Variants in MROH1 observed in about 807,000 individuals in gnomAD.
The protein encoded by MROH1 is maestro heat-like repeat-containing protein family member 1.
Under a neutral mutation model 116.5 loss-of-function variants are expected in MROH1, and 117 were observed. The ratio of observed to expected loss-of-function variants is 1.00; its 90% CI spans 0.86 to 1.17. The LOEUF is 1.17. MROH1 is among the 50% of genes most tolerant of loss of function. The probability of loss-of-function intolerance (pLI) is 0.00; values close to 1 mark genes in which losing one functional copy is unlikely to be tolerated. For missense variants in MROH1, 1,873 were observed against 1,338.5 expected (o/e 1.40, Z -6.23); for synonymous variants, 921 against 583.9 (o/e 1.58, Z -8.32).
intron 1 of MROH1, among the ~76,000 whole-genome samples, chr8:144,150,852 C>T (rs1176381363): frequency 3.3e-5 from 5 of 152,174 alleles, no homozygotes; most frequent in Non-Finnish European, 7.3e-5. Flanking sequence ...GGCTCCACCA[C>T]CATGGACCTA....
intron 12 of MROH1, among the ~76,000 whole-genome samples, chr8:144,209,097 A>AT (rs1196420402): frequency 6.7e-6 from 1 of 148,188 alleles, no homozygotes; most frequent in East Asian, 2.0e-4. Context: ...GAGTTTCGCC[A>AT]TGTTAGTCAG....
At chr8:144,200,575 CT>C (rs1830891375) in intron 12 of MROH1, 34 bp downstream of exon 12, 1 of 1,447,400 alleles carries the variant, frequency 6.9e-7, no homozygotes, top group Non-Finnish European at 9.5e-7. Flanking sequence ...GCCGCCACCC[CT>C]GGCCATGTCC....
intron 35 of MROH1, among the ~76,000 whole-genome samples, chr8:144,257,464 C>A (rs1341566692): frequency 6.6e-6 from 1 of 152,202 alleles, no homozygotes; most frequent in Non-Finnish European, 1.5e-5. Flanking sequence ...CAGCCCCTGT[C>A]CAGCTCTCAG....
chr8:144,177,052 G>T (rs890507279), intron 4 of MROH1, among the ~76,000 whole-genome samples: 1 of 152,158 alleles, frequency 6.6e-6, no homozygotes, highest in Non-Finnish European at 1.5e-5. Flanking sequence ...TTCCCCTGGA[G>T]AATTGGCAGG....
rs572598673 is a variant in MROH1 at position 144,163,337 on chromosome 8, G to A, written c.-56-434G>A. ...GTGGTGAAGAGGCAGAGGGAACTTGGACGCTTCCTGGACTCGATTCTTAGG... is the reference window on the plus strand; with the variant it reads ...GTGGTGAAGAGGCAGAGGGAACTTGAACGCTTCCTGGACTCGATTCTTAGG... On this transcript the variant is annotated intron_variant, in intron 2 of 43. Transcript: ENST00000326134. This position sits in a 1 kb window ranked among gnomAD's most constrained non-coding sequence, Gnocchi z 4.4. Among the ~76,000 whole-genome samples the A allele has an allele frequency of 6.2e-4, 95 of 152,324 alleles. No homozygotes were observed. Among genetic ancestry groups the A allele is most frequent in the African/African-American group, 2.2e-3 (90 of 41,572 alleles).
intron 12 of MROH1, among the ~76,000 whole-genome samples, chr8:144,210,512 T>G (rs927426972): frequency 6.6e-6 from 1 of 152,064 alleles, no homozygotes; most frequent in Non-Finnish European, 1.5e-5. Context: ...GGCAACATGA[T>G]GAAACCCCAT....
chr8:144,196,300 A>G (rs1396904210), intron 10 of MROH1, among the ~76,000 whole-genome samples: 2 of 151,486 alleles, frequency 1.3e-5, no homozygotes, highest in Admixed American at 6.6e-5. Context: ...CAAAAAAAAA[A>G]AAAAAATTCA....
chr8:144,255,778 G>A (rs972895133), intron 35 of MROH1, 73 bp downstream of exon 35: 36 of 687,882 alleles, frequency 5.2e-5, no homozygotes, highest in Non-Finnish European at 8.9e-5. Context: ...GCGCGTGGTG[G>A]GGGCGGACGG....
intron 32 of MROH1, among the ~76,000 whole-genome samples, chr8:144,249,383 C>T (rs1247058411): frequency 6.6e-6 from 1 of 152,116 alleles, no homozygotes; most frequent in Non-Finnish European, 1.5e-5. Flanking sequence ...GTCAGCCGTC[C>T]CCTAGGGAGA....
At chr8:144,194,607 C>A (rs944388928) in intron 10 of MROH1, among the ~76,000 whole-genome samples, 1 of 152,160 alleles carries the variant, frequency 6.6e-6, no homozygotes, top group Non-Finnish European at 1.5e-5. Context: ...TCTGGCCAAG[C>A]TATTAGGACT....
chr8:144,168,205 G>T, intron 3 of MROH1, 90 bp from the exon 4 acceptor site: 1 of 1,392,546 alleles, frequency 7.2e-7, no homozygotes, highest in Non-Finnish European at 9.5e-7. Flanking sequence ...CTCAGAGGCT[G>T]CAGGTGTGTC....
chr8:144,152,493 A>G (rs887137071), intron 1 of MROH1, among the ~76,000 whole-genome samples: 23 of 151,498 alleles, frequency 1.5e-4, no homozygotes, highest in Middle Eastern at 3.4e-3. Flanking sequence ...GGTTCAAGCC[A>G]TTCTCCTGCC....
chr8:144,179,489 C>T lies in MROH1; in HGVS notation c.203C>T (p.Ala68Val). The T allele has an allele frequency of 6.2e-7, 1 of 1,613,594 alleles. No homozygotes were observed. The highest frequency in any genetic ancestry group is 1.1e-5 in the South Asian group (1 of 91,082). The part of the protein sequence containing the change: ...AHPYRAAVLR[A>V]MERVLSSRAS... ...CCATACCGAGCAGCGGTCCTGAGGGCCATGGAGAGGGTCCTGAGCAGTCGC... is the reference window on the plus strand; with the variant it reads ...CCATACCGAGCAGCGGTCCTGAGGGTCATGGAGAGGGTCCTGAGCAGTCGC... Residue 68 changes from alanine to valine, a missense_variant, in exon 5 of 44, where the codon GCC becomes GTC. Physicochemically the swap from Ala to Val is moderately conservative, Grantham distance 64 (BLOSUM62 0). Transcript: ENST00000326134.
At chr8:144,209,362 C>T (rs1228363660) in intron 12 of MROH1, among the ~76,000 whole-genome samples, 1 of 151,606 alleles carries the variant, frequency 6.6e-6, no homozygotes, top group African/African-American at 2.4e-5. Flanking sequence ...AGGCGGATCA[C>T]GAGGTTAGGA....
chr8:144,259,434 C>T (rs897349646), intron 37 of MROH1, 80 bp downstream of exon 37: 24 of 709,062 alleles, frequency 3.4e-5, no homozygotes, highest in Non-Finnish European at 6.0e-5. Flanking sequence ...CTTTTCTTAC[C>T]CCTAAAAGGC....
At chr8:144,160,594 A>C (rs897614728) in intron 1 of MROH1, among the ~76,000 whole-genome samples, 1 of 151,670 alleles carries the variant, frequency 6.6e-6, no homozygotes, top group African/African-American at 2.4e-5. Context: ...GCACCAGACA[A>C]ATTTATTACC....
intron 12 of MROH1, among the ~76,000 whole-genome samples, chr8:144,218,199 A>G (rs1004624641): frequency 1.3e-5 from 2 of 152,070 alleles, no homozygotes; most frequent in Non-Finnish European, 2.9e-5. Flanking sequence ...GCCGCCCTGC[A>G]TATGTCAGAG....
At chr8:144,223,336 C>A in intron 14 of MROH1, 106 bp downstream of exon 14, 1 of 1,417,588 alleles carries the variant, frequency 7.1e-7, no homozygotes, top group Non-Finnish European at 9.5e-7. Flanking sequence ...GATATGTGGG[C>A]TGCAGTCTGC....
chr8:144,160,257 A>T (rs1819187520), intron 1 of MROH1, among the ~76,000 whole-genome samples: 1 of 151,992 alleles, frequency 6.6e-6, no homozygotes, highest in Non-Finnish European at 1.5e-5. Context: ...TTAGTCTAGG[A>T]CTGATTTGGT....
Sources: allele counts gnomAD v4.1 joint callset (sites outside exome capture counted in the v4.1 genomes callset), GRCh38; gene constraint gnomAD v4.1.1; non-coding constraint Gnocchi (gnomAD v3.1); transcripts MANE v1.5; gene names NCBI Gene and HGNC (gene_info 2026-07-23, HGNC 2026-07-21).